ZNF714: variants seen among roughly 807,000 people sequenced by gnomAD.
ZNF714 encodes zinc finger protein 714.
Under a neutral mutation model 46.2 loss-of-function variants are expected in ZNF714, and 32 were observed. The ratio of observed to expected loss-of-function variants is 0.69; its 90% CI spans 0.52 to 0.93. ZNF714 has a LOEUF of 0.93. ZNF714 is among the 40% of genes least tolerant of loss of function. The pLI is 0.00. For missense variants in ZNF714, 635 were observed against 646.3 expected, an observed-to-expected ratio of 0.98 and a Z score of 0.19; for synonymous variants, 199 against 213.1, an observed-to-expected ratio of 0.93 and a Z score of 0.58.
chr19:21,115,852 T>C (rs998623398), intron 4 of ZNF714, among the ~76,000 whole-genome samples: 13 of 151,506 alleles, frequency 8.6e-5, no homozygotes, highest in Admixed American at 6.6e-4. Context: ...TTCTGTTTTT[T>C]GGATATTTTA....
At chr19:21,095,902 AT>A (rs1969026470) in intron 2 of ZNF714, among the ~76,000 whole-genome samples, 1 of 152,144 alleles carries the variant, frequency 6.6e-6, no homozygotes, top group Non-Finnish European at 1.5e-5. Context: ...TGCTTTTGGT[AT>A]CTTCATCATG....
intron 2 of ZNF714, among the ~76,000 whole-genome samples, chr19:21,094,430 T>G (rs760845126): frequency 6.6e-6 from 1 of 152,236 alleles, no homozygotes; most frequent in African/African-American, 2.4e-5. Context: ...TTCAGTTCTG[T>G]GAGGAATCAC....
intron 4 of ZNF714, among the ~76,000 whole-genome samples, chr19:21,112,840 T>TTTTTTTTTTTTTTTTTTAG: frequency 1.5e-5 from 2 of 133,078 alleles, no homozygotes; most frequent in South Asian, 2.5e-4. Context: ...TTTTTTTTTT[T>TTTTTTTTTTTTTTTTTTAG]GAGACGGAGT....
intron 2 of ZNF714, among the ~76,000 whole-genome samples, chr19:21,089,740 A>G (rs1968863310): frequency 6.6e-6 from 1 of 152,074 alleles, no homozygotes; most frequent in Non-Finnish European, 1.5e-5. Flanking sequence ...AGACAAATTT[A>G]TAGCACAGAG....
At chr19:21,116,215 T>G (rs1969593321) in intron 4 of ZNF714, among the ~76,000 whole-genome samples, 1 of 152,150 alleles carries the variant, frequency 6.6e-6, no homozygotes, top group Admixed American at 6.5e-5. Context: ...TACTTTTTAG[T>G]TAAAGGAGTT....
rs551119214 is a variant in ZNF714 at position 21,123,545 on chromosome 19, C to A, written c.*5213C>A. On this transcript the variant is annotated 3_prime_UTR_variant, in exon 5 of 5. Transcript: ENST00000456283. ...AATTTTTTTGTATTTTTAGTAGAGA[C>A]GGGATTTCACCATGTTAGCCAGGAT... Among the ~76,000 whole-genome samples the A allele has an allele frequency of 6.6e-6, 1 of 152,014 alleles. No individual in the cohort carries two copies. Among genetic ancestry groups the A allele is most frequent in the South Asian group, 2.1e-4 (1 of 4,806 alleles).
intron 4 of ZNF714, chr19:21,109,782 T>C (rs1023166316): frequency 6.4e-5 from 3 of 46,604 alleles, no homozygotes; most frequent in African/African-American, 1.1e-4. Flanking sequence ...TGTGTGTTGT[T>C]TCCCCCCATA....
chr19:21,087,222 C>CAAAAAAAAAA (rs57295093), intron 2 of ZNF714, among the ~76,000 whole-genome samples: 1 of 92,168 alleles, frequency 1.1e-5, no homozygotes. Flanking sequence ...GCAGTCTCAG[C>CAAAAAAAAAA]AAAAAAAAAA....
chr19:21,095,224 G>A (rs760657325), intron 2 of ZNF714, among the ~76,000 whole-genome samples: 2 of 152,162 alleles, frequency 1.3e-5, no homozygotes, highest in Non-Finnish European at 2.9e-5. Flanking sequence ...CCTCTGGAAT[G>A]TGTCTAGACC....
intron 4 of ZNF714, among the ~76,000 whole-genome samples, chr19:21,111,941 G>C (rs1969457939): frequency 1.3e-5 from 2 of 152,276 alleles, no homozygotes; most frequent in South Asian, 4.1e-4. Flanking sequence ...TGACTTGATT[G>C]TGGTGGATAA....
chr19:21,115,468 A>C (rs888150469), intron 4 of ZNF714, among the ~76,000 whole-genome samples: 4 of 151,970 alleles, frequency 2.6e-5, no homozygotes, highest in African/African-American at 9.7e-5. Context: ...TGAAGTGCCA[A>C]TATTTTTTTT....
At chr19:21,084,308 T>C (rs1968725960) in intron 2 of ZNF714, among the ~76,000 whole-genome samples, 1 of 151,856 alleles carries the variant, frequency 6.6e-6, no homozygotes, top group African/African-American at 2.4e-5. Context: ...TTCCAGCAGT[T>C]CCATTAGCAC....
chr19:21,095,629 A>AT (rs912723869), intron 2 of ZNF714, among the ~76,000 whole-genome samples: 88 of 148,240 alleles, frequency 5.9e-4, no homozygotes, highest in Middle Eastern at 6.9e-3. Flanking sequence ...CACCCAGCTA[A>AT]TTTTTTTTTT....
intron 2 of ZNF714, among the ~76,000 whole-genome samples, chr19:21,085,740 C>T (rs895041122): frequency 5.3e-5 from 8 of 152,082 alleles, no homozygotes; most frequent in African/African-American, 1.9e-4. Flanking sequence ...GCTGACAGAG[C>T]CCTGGAAAGC....
chr19:21,110,586 TTTAA>T (rs977935999), intron 4 of ZNF714, among the ~76,000 whole-genome samples: 12 of 152,354 alleles, frequency 7.9e-5, no homozygotes, highest in African/African-American at 2.6e-4. Flanking sequence ...GCAGAAGCTC[TTTAA>T]TTAGATACCA....
intron 4 of ZNF714, among the ~76,000 whole-genome samples, chr19:21,100,773 C>T (rs575581840): frequency 9.9e-4 from 151 of 152,072 alleles, no homozygotes; most frequent in African/African-American, 3.3e-3. Flanking sequence ...TGCAATGGCG[C>T]GATCTTAGCT....
chr19:21,107,193 T>C (rs1004887519), intron 4 of ZNF714, among the ~76,000 whole-genome samples: 10 of 152,332 alleles, frequency 6.6e-5, no homozygotes, highest in African/African-American at 2.2e-4. Context: ...CCTGGGCGTT[T>C]GGCTGGTTAT....
intron 4 of ZNF714, chr19:21,113,014 G>C (rs1445790787): frequency 6.6e-6 from 1 of 151,424 alleles, no homozygotes; most frequent in Non-Finnish European, 1.5e-5. Flanking sequence ...AGTAGACATG[G>C]TGTGTTTCAC....
intron 2 of ZNF714, among the ~76,000 whole-genome samples, chr19:21,095,758 G>T (rs867110797): frequency 1.3e-5 from 2 of 152,058 alleles, no homozygotes; most frequent in African/African-American, 4.8e-5. Context: ...CTAGCCTGGT[G>T]TCCCACCTTT....
Sources: allele counts gnomAD v4.1 joint callset (sites outside exome capture counted in the v4.1 genomes callset), GRCh38; gene constraint gnomAD v4.1.1; transcripts MANE v1.5; gene names NCBI Gene and HGNC (gene_info 2026-07-23, HGNC 2026-07-21).